EHBP1: variants seen among roughly 807,000 people sequenced by gnomAD.
EHBP1 encodes EH domain-binding protein 1.
A neutral mutation model predicts 144.0 loss-of-function variants in EHBP1; 55 were observed. The observed-to-expected ratio is 0.38, with a 90% confidence interval of 0.31 to 0.48. The LOEUF (loss-of-function observed/expected upper bound fraction) is 0.48. Ranked by LOEUF, EHBP1 falls within the 20% of genes least tolerant of loss-of-function variation. The probability of loss-of-function intolerance (pLI) is 0.98; values close to 1 mark genes in which losing one functional copy is unlikely to be tolerated. For synonymous variants in EHBP1, 469 were observed against 472.7 expected (o/e 0.99, Z 0.10); for missense variants, 1,200 against 1,364.2 (o/e 0.88, Z 1.90).
At chr2:62,756,549 A>T (rs2040299466) in intron 3 of EHBP1, among the ~76,000 whole-genome samples, 1 of 152,162 alleles carries the variant, frequency 6.6e-6, no homozygotes, top group South Asian at 2.1e-4. Context: ...CAAGTGGATC[A>T]CCTGAGGGTC....
In EHBP1 at chr2:62,930,691, G is replaced by A. The variant is rs562189298; in HGVS notation, c.1186-12027G>A. Among the ~76,000 whole-genome samples, 15 of 152,210 alleles carry A rather than the reference G, an allele frequency of 9.9e-5. No individual in the cohort carries two copies. In the South Asian group the frequency reaches 3.1e-3, roughly 32 times the overall value. On this transcript the variant is annotated intron_variant, in intron 10 of 22. Transcript: ENST00000431489. ...CATGAAGACATATAGACCAACAATG[G>A]AATAGAGAGTCCAGAAACAAACCTC...
intron 10 of EHBP1, among the ~76,000 whole-genome samples, chr2:62,932,529 A>G (rs544137281): frequency 3.3e-5 from 5 of 152,280 alleles, no homozygotes; most frequent in African/African-American, 1.2e-4. Context: ...AGAAACAGAA[A>G]ATAGGATGGC....
chr2:62,796,779 A>G (rs2043562377), intron 5 of EHBP1, among the ~76,000 whole-genome samples: 1 of 151,884 alleles, frequency 6.6e-6, no homozygotes, highest in South Asian at 2.1e-4. Context: ...TAATGGTTTA[A>G]TGAAGTTTAA....
chr2:62,894,210 G>C (rs1158552145), intron 10 of EHBP1, among the ~76,000 whole-genome samples: 1 of 152,130 alleles, frequency 6.6e-6, no homozygotes, highest in Non-Finnish European at 1.5e-5. Context: ...TTTGTCTTTA[G>C]CAAGCCCAAA....
intron 16 of EHBP1, among the ~76,000 whole-genome samples, chr2:62,991,244 A>T (rs935489026): frequency 7.5e-6 from 1 of 132,686 alleles, no homozygotes; most frequent in Non-Finnish European, 1.7e-5. Context: ...GACCTTGTCT[A>T]AAAAAAAAAA....
chr2:62,724,480 C>T (rs1044463804), intron 2 of EHBP1, among the ~76,000 whole-genome samples: 1 of 152,184 alleles, frequency 6.6e-6, no homozygotes, highest in Admixed American at 6.5e-5. Context: ...TCACTTCAGC[C>T]ATCTCGGCTT....
intron 19 of EHBP1, among the ~76,000 whole-genome samples, chr2:63,015,688 A>G (rs1275872171): frequency 3.3e-5 from 5 of 152,128 alleles, no homozygotes; most frequent in Admixed American, 3.3e-4. Flanking sequence ...CTATTTTCAT[A>G]CAGATTATAA....
chr2:62,926,229 A>G (rs2153024289), intron 10 of EHBP1, among the ~76,000 whole-genome samples: 2 of 152,278 alleles, frequency 1.3e-5, no homozygotes, highest in Non-Finnish European at 2.9e-5. Context: ...AAAATGGATC[A>G]AAGACTTAAA....
In EHBP1 at chr2:62,994,729, A is replaced by T. The variant is rs189315151; in HGVS notation, c.2979+752A>T. Among the ~76,000 whole-genome samples the T allele has an allele frequency of 1.8e-3, 280 of 152,260 alleles. 3 individuals are homozygous for T. The highest frequency in any genetic ancestry group is 6.0e-3 in the African/African-American group (250 of 41,558). ...AAAATAGTTGGATTTTAAAATCCTT[A>T]TACAAGTACACTCAGAGTCACCAAC... On this transcript the variant is annotated intron_variant, in intron 18 of 22. Transcript: ENST00000431489.
intron 3 of EHBP1, among the ~76,000 whole-genome samples, chr2:62,752,924 C>G (rs931450403): frequency 6.6e-6 from 1 of 152,168 alleles, no homozygotes; most frequent in Non-Finnish European, 1.5e-5. Flanking sequence ...TTCCTGAATA[C>G]AGCGCACTGA....
intron 10 of EHBP1, among the ~76,000 whole-genome samples, chr2:62,932,101 C>T (rs1307298321): frequency 6.6e-6 from 1 of 151,388 alleles, no homozygotes; most frequent in East Asian, 1.9e-4. Context: ...CACTTGAGCC[C>T]GGGAGGTGGA....
At chr2:62,827,009 T>G (rs2046387686) in intron 6 of EHBP1, among the ~76,000 whole-genome samples, 1 of 152,192 alleles carries the variant, frequency 6.6e-6, no homozygotes, top group African/African-American at 2.4e-5. Flanking sequence ...AAATGGAAAT[T>G]CTATACCTAG....
intron 3 of EHBP1, among the ~76,000 whole-genome samples, chr2:62,748,329 A>G (rs2039347686): frequency 6.6e-6 from 1 of 152,094 alleles, no homozygotes; most frequent in African/African-American, 2.4e-5. Flanking sequence ...CGAATTTTAT[A>G]ATATTCAATA....
intron 19 of EHBP1, among the ~76,000 whole-genome samples, chr2:63,022,459 C>T (rs1250602580): frequency 4.6e-5 from 7 of 152,070 alleles, no homozygotes. Flanking sequence ...GGACTACAGA[C>T]ATGCACCACC....
intron 2 of EHBP1, among the ~76,000 whole-genome samples, chr2:62,712,741 A>T (rs1432448853): frequency 1.3e-5 from 2 of 152,130 alleles, no homozygotes; most frequent in African/African-American, 4.8e-5. Flanking sequence ...GAAAGATTTT[A>T]AAGAGGTTGA....
In EHBP1 at chr2:62,872,476, A is replaced by T. The variant is rs973798504; in HGVS notation, c.999-1870A>T. Among the ~76,000 whole-genome samples, 11 of 152,256 alleles carry T rather than the reference A, an allele frequency of 7.2e-5. No homozygotes were observed. In the South Asian group the frequency reaches 2.3e-3, roughly 31 times the overall value. On this transcript the variant is annotated intron_variant, in intron 9 of 22. Coordinates refer to ENST00000431489, the MANE Select transcript of EHBP1 (RefSeq NM_001142616.3). Reference sequence around the variant, plus strand: ...TTGCTTACATTTATTTATATTTAAAATATATTAATCAGCAAGTATGTAACT... The same window carrying T: ...TTGCTTACATTTATTTATATTTAAATTATATTAATCAGCAAGTATGTAACT...
chr2:62,716,423 GTTC>G (rs1367342549), intron 2 of EHBP1, among the ~76,000 whole-genome samples: 1 of 152,140 alleles, frequency 6.6e-6, no homozygotes, highest in Admixed American at 6.6e-5. Flanking sequence ...TTTGCTAGAG[GTTC>G]TTCTTTGTGT....
chr2:62,744,564 G>T (rs1473408314), intron 2 of EHBP1, among the ~76,000 whole-genome samples: 1 of 152,038 alleles, frequency 6.6e-6, no homozygotes, highest in Non-Finnish European at 1.5e-5. Flanking sequence ...CTGATTTCTA[G>T]TGAAGATATT....
At chr2:62,912,743 G>C (rs1258678417) in intron 10 of EHBP1, among the ~76,000 whole-genome samples, 2 of 151,972 alleles carry the variant, frequency 1.3e-5, no homozygotes, top group African/African-American at 4.8e-5. Flanking sequence ...TCTGCTTTTT[G>C]AACAGTTTTC....
Sources: gnomAD v4.1 joint callset for allele counts (sites outside exome capture counted in the v4.1 genomes callset) on GRCh38, gnomAD v4.1.1 for gene constraint, MANE v1.5 for transcripts, NCBI Gene and HGNC (gene_info 2026-07-23, HGNC 2026-07-21) for gene names.